CDC42BPB: variants seen among roughly 807,000 people sequenced by gnomAD.
The protein encoded by CDC42BPB is CDC42 binding protein kinase beta, also known as serine/threonine-protein kinase MRCK beta.
Under a neutral mutation model 214.9 loss-of-function variants are expected in CDC42BPB, and 37 were observed. That is an observed-to-expected ratio of 0.17 (90% confidence interval 0.13 to 0.23). CDC42BPB has a LOEUF of 0.23. Ranked by LOEUF, CDC42BPB falls within the 10% of genes least tolerant of loss-of-function variation. The probability of loss-of-function intolerance (pLI) is 1.00; values close to 1 mark genes in which losing one functional copy is unlikely to be tolerated. For synonymous variants in CDC42BPB, 931 were observed against 884.0 expected, an observed-to-expected ratio of 1.05 and a Z score of -0.94; for missense variants, 1,694 against 2,227.0, an observed-to-expected ratio of 0.76 and a Z score of 4.82.
rs190660074 is a variant in CDC42BPB at position 102,934,871 on chromosome 14, A to G, written c.5005-1028T>C. 5.2e-4 allele frequency among the ~76,000 whole-genome samples: 79 copies of G among 150,796 alleles called. 1 individual carries two copies. Among genetic ancestry groups the G allele is most frequent in the East Asian group, 4.4e-3 (22 of 5,054 alleles). ...AAATACAAAAAAAAATTAGCCTGGC[A>G]TGGTGGTGGGCACCTGTAGTCCCAG... On this transcript the variant is annotated intron_variant, in intron 36 of 36. Transcript: ENST00000361246.
At chr14:102,961,793 T>A (rs969520981) in intron 20 of CDC42BPB, among the ~76,000 whole-genome samples, 1 of 152,180 alleles carries the variant, frequency 6.6e-6, no homozygotes, top group African/African-American at 2.4e-5. Context: ...TCCGCCCACC[T>A]CAGCCTCCCG....
intron 3 of CDC42BPB, among the ~76,000 whole-genome samples, chr14:103,006,690 T>C (rs1236163234): frequency 2.6e-5 from 4 of 152,204 alleles, no homozygotes; most frequent in Non-Finnish European, 5.9e-5. Flanking sequence ...GATATAAAAA[T>C]AAAAAGATAA....
At chr14:103,033,263 C>G (rs1372490450) in intron 1 of CDC42BPB, among the ~76,000 whole-genome samples, 1 of 151,862 alleles carries the variant, frequency 6.6e-6, no homozygotes, top group East Asian at 1.9e-4. Flanking sequence ...GCTCTGTCAC[C>G]CAGGCTGGAG....
At chr14:102,939,753 T>C (rs772535709) in intron 33 of CDC42BPB, 26 bp from the exon 34 acceptor site, 2 of 1,614,082 alleles carry the variant, frequency 1.2e-6, no homozygotes, top group Non-Finnish European at 1.7e-6. Flanking sequence ...ACTTTTGAGA[T>C]TCATGGATAC....
chr14:103,001,581 G>T lies in CDC42BPB; in HGVS notation c.448-1868C>A, dbSNP rs568632033. ...GGGCTGCAGCCCCACACTCAGAGCA[G>T]TGAGTGGGTGATGTTCCCCAGCTAC... On this transcript the variant is annotated intron_variant, in intron 4 of 36. Coordinates refer to ENST00000361246, the MANE Select transcript of CDC42BPB (RefSeq NM_006035.4). The surrounding 1 kb of genome is among the most constrained non-coding windows in gnomAD (Gnocchi z 5.8). 6.6e-6 allele frequency among the ~76,000 whole-genome samples: 1 copy of T among 152,366 alleles called. No individual in the cohort carries two copies. The highest frequency in any genetic ancestry group is 1.5e-5 in the Non-Finnish European group (1 of 68,036).
At position 103,004,502 on chromosome 14, in the gene CDC42BPB, TCA is replaced by T. The variant is rs1895141801; in HGVS notation, c.352-481_352-480del. 6.6e-6 allele frequency among the ~76,000 whole-genome samples: 1 copy of T among 152,208 alleles called. No homozygotes were observed. The highest frequency in any genetic ancestry group is 1.5e-5 in the Non-Finnish European group (1 of 68,026). On this transcript the variant is annotated intron_variant, in intron 3 of 36. Transcript: ENST00000361246. This position sits in a 1 kb window ranked among gnomAD's most constrained non-coding sequence, Gnocchi z 5.3. ...TCACAGTATAGTGATGACACAATTG[TCA>T]CAGATTCCACTAGGGAGGCCTACAG...
chr14:102,933,265 G>A lies in CDC42BPB; in HGVS notation c.*447C>T, dbSNP rs765808964. 4.8e-4 allele frequency: 75 copies of A among 155,856 alleles called. No individual in the cohort carries two copies. The highest frequency in any genetic ancestry group is 9.3e-4 in the Non-Finnish European group (66 of 70,688). The allele number at this position is 155,856 out of a possible 1,614,324, so 9.7% of individuals were successfully genotyped here. On this transcript the variant is annotated 3_prime_UTR_variant, in exon 37 of 37. Coordinates refer to ENST00000361246, the MANE Select transcript of CDC42BPB (RefSeq NM_006035.4). The stretch of plus-strand genomic sequence containing the variant: ...GTCTTCAAAATTCTAGTGACACTGG[G>A]AATGCTATAGGACCTCCTACTATTC...
rs1370475894 is a variant in CDC42BPB, at chr14:102,970,178, T to C, written c.1968A>G (p.Gln656=). The change falls in exon 14 of 37, where the codon CAA becomes CAG. Residue 656 remains glutamine, a synonymous_variant. Transcript: ENST00000361246. ...LREHSENFCK[Q]MESELEALKV... ...TGAGGGCCTCCAGCTCGCTTTCCAT[T>C]TGCTTGCAGAAGTTCTCGCTGTGCT... 6.2e-7 allele frequency: 1 copy of C among 1,613,710 alleles called. No homozygotes were observed. The highest frequency in any genetic ancestry group is 1.3e-5 in the African/African-American group (1 of 74,948).
At chr14:103,008,376 C>T in intron 3 of CDC42BPB, 96 bp downstream of exon 3, 1 of 814,512 alleles carries the variant, frequency 1.2e-6, no homozygotes, top group Non-Finnish European at 2.2e-6. Flanking sequence ...AGGCCCAGGG[C>T]TGTGGGGTGG....
rs769595230 is a variant in CDC42BPB, at chr14:102,975,976, G to A, written c.1294C>T (p.Arg432Trp). The stretch of plus-strand genomic sequence containing the variant: ...ATCTGCAGGCTGTGCTCCAGGTCCC[G>A]CTGCACATCCTCATCTTTGGTTAAT... ...NTLTKDEDVQ[R>W]DLEHSLQMEA... Residue 432 changes from arginine to tryptophan, a missense_variant, in exon 10 of 37, where the codon CGG becomes TGG. By Grantham distance (101) the Arg-to-Trp change is moderately radical. Around this residue, in one of 7 missense-constraint regions of CDC42BPB, gnomAD observed 462 missense variants for 513.5 expected, o/e 0.90. Transcript: ENST00000361246. 2.5e-6 allele frequency: 4 copies of A among 1,614,068 alleles called. No individual in the cohort carries two copies. Among genetic ancestry groups the A allele is most frequent in the Non-Finnish European group, 3.4e-6 (4 of 1,180,042 alleles).
At chr14:102,968,110 A>G in intron 16 of CDC42BPB, 143 bp downstream of exon 16, 1 of 630,188 alleles carries the variant, frequency 1.6e-6, no homozygotes, top group East Asian at 2.8e-5. Flanking sequence ...AAAAAAACCA[A>G]ACTTCCAAGA....
rs35290018 is a variant in CDC42BPB, at chr14:103,007,861, C to T, written c.351+611G>A. Among the ~76,000 whole-genome samples the T allele has an allele frequency of 8.3e-3, 1,262 of 152,200 alleles. 24 individuals are homozygous for T. The highest frequency in any genetic ancestry group is 0.028 in the African/African-American group (1,158 of 41,522). ...TGCAGGGGAGGGGAAGACAACAGGG[C>T]GGGTGAGGACAGAAACTCAAGATGG... On this transcript the variant is annotated intron_variant, in intron 3 of 36. Transcript: ENST00000361246.
chr14:102,976,314 T>G, intron 9 of CDC42BPB: 1 of 583,334 alleles, frequency 1.7e-6, no homozygotes, highest in Non-Finnish European at 2.2e-6. Context: ...CCCCCACACT[T>G]AACTATAAAT....
At chr14:103,045,604 T>C (rs1174387901) in intron 1 of CDC42BPB, among the ~76,000 whole-genome samples, 1 of 152,202 alleles carries the variant, frequency 6.6e-6, no homozygotes, top group Non-Finnish European at 1.5e-5. Context: ...CCAATGCTTG[T>C]ACAGCCACGA....
At chr14:102,953,918 G>A (rs1892601036) in intron 23 of CDC42BPB, among the ~76,000 whole-genome samples, 1 of 152,222 alleles carries the variant, frequency 6.6e-6, no homozygotes, top group African/African-American at 2.4e-5. Flanking sequence ...ATGGCTTGGG[G>A]AATGAGAGAA....
chr14:102,977,232 A>G (rs2139500571), intron 9 of CDC42BPB, among the ~76,000 whole-genome samples: 1 of 149,942 alleles, frequency 6.7e-6, no homozygotes, highest in South Asian at 2.1e-4. Flanking sequence ...CCAGCTACTC[A>G]GGAGGCTGCG....
At chr14:103,017,538 G>T (rs931782955) in intron 1 of CDC42BPB, among the ~76,000 whole-genome samples, 5 of 152,062 alleles carry the variant, frequency 3.3e-5, no homozygotes, top group Non-Finnish European at 5.9e-5. Flanking sequence ...GTTACGTGAT[G>T]AGACGCAACC....
chr14:102,945,782 G>A (rs1436068951), intron 28 of CDC42BPB, 58 bp from the exon 29 acceptor site: 8 of 1,455,724 alleles, frequency 5.5e-6, no homozygotes, highest in Non-Finnish European at 6.7e-6. Context: ...AACAATATGG[G>A]TTTGAATGCG....
chr14:103,026,799 C>T (rs1236248447), intron 1 of CDC42BPB, among the ~76,000 whole-genome samples: 4 of 151,340 alleles, frequency 2.6e-5, no homozygotes, highest in African/African-American at 9.7e-5. Context: ...ACCCGGGAGG[C>T]GGAGCTTGCA....
Sources: allele counts gnomAD v4.1 joint callset (sites outside exome capture counted in the v4.1 genomes callset), GRCh38; gene constraint gnomAD v4.1.1; regional missense constraint gnomAD v4.1.1; non-coding constraint Gnocchi (gnomAD v3.1); transcripts MANE v1.5; gene names NCBI Gene and HGNC (gene_info 2026-07-23, HGNC 2026-07-21).